Variants in LIPK observed in about 807,000 individuals in gnomAD.
LIPK encodes the protein lipase member K.
In LIPK, 32 loss-of-function variants were observed where a neutral mutation model predicts 48.6. The ratio of observed to expected loss-of-function variants is 0.66; its 90% CI spans 0.50 to 0.88. LIPK has a LOEUF of 0.88. Among genes scored for constraint, LIPK ranks in the 40% least tolerant of loss-of-function variants. LIPK has a pLI of 0.00. For synonymous variants in LIPK, 164 were observed against 157.4 expected (o/e 1.04, Z -0.32); for missense variants, 507 against 478.5 (o/e 1.06, Z -0.56).
chr10:88,749,664 A>C (rs533135008), intron 9 of LIPK, among the ~76,000 whole-genome samples: 2 of 152,324 alleles, frequency 1.3e-5, no homozygotes, highest in East Asian at 3.9e-4. Context: ...AAAACCCTAA[A>C]AGAAAACCTA....
intron 9 of LIPK, among the ~76,000 whole-genome samples, chr10:88,751,699 C>G (rs1034417224): frequency 6.6e-6 from 1 of 152,152 alleles, no homozygotes; most frequent in Non-Finnish European, 1.5e-5. Flanking sequence ...CACACACACA[C>G]TGTTTCAGAA....
chr10:88,715,250 T>C (rs1842094557), intron 1 of LIPK, among the ~76,000 whole-genome samples: 1 of 152,152 alleles, frequency 6.6e-6, no homozygotes, highest in South Asian at 2.1e-4. Flanking sequence ...CATACAGCTA[T>C]GAAACTGAAT....
Position 88,732,401 on chromosome 10 carries a change from T to C in LIPK, c.533-14T>C. The C allele has an allele frequency of 6.2e-7, 1 of 1,605,664 alleles. No individual in the cohort carries two copies. Among genetic ancestry groups the C allele is most frequent in the Non-Finnish European group, 8.5e-7 (1 of 1,177,638 alleles). ...TATCTGAAAACTATGAACTACTGTCTTCTTCCATTTCAGCTTTTATAGCAT... is the reference window on the plus strand; with the variant it reads ...TATCTGAAAACTATGAACTACTGTCCTCTTCCATTTCAGCTTTTATAGCAT... On this transcript the variant is annotated splice_polypyrimidine_tract_variant and intron_variant, in intron 5 of 9. Transcript: ENST00000404190.
intron 1 of LIPK, among the ~76,000 whole-genome samples, chr10:88,717,532 T>C (rs1842141924): frequency 6.6e-6 from 1 of 152,198 alleles, no homozygotes; most frequent in South Asian, 2.1e-4. Context: ...GCCCACACTA[T>C]AGGTCTTCTG....
intron 1 of LIPK, among the ~76,000 whole-genome samples, chr10:88,712,617 T>C (rs184081816): frequency 2.6e-4 from 40 of 152,294 alleles, no homozygotes; most frequent in South Asian, 1.4e-3. Flanking sequence ...CCAGGCTCCA[T>C]ACTCTGAATC....
intron 4 of LIPK, among the ~76,000 whole-genome samples, chr10:88,731,489 C>A (rs933777363): frequency 1.3e-5 from 2 of 152,216 alleles, no homozygotes; most frequent in Admixed American, 6.5e-5. Context: ...GTGCTGCCAG[C>A]AGCAGCGCCT....
intron 1 of LIPK, among the ~76,000 whole-genome samples, chr10:88,722,168 G>A (rs1188643421): frequency 6.6e-6 from 1 of 152,096 alleles, no homozygotes; most frequent in African/African-American, 2.4e-5. Context: ...GGCGGCACGC[G>A]CCTGTAATCC....
intron 7 of LIPK, among the ~76,000 whole-genome samples, 166 bp from the exon 8 acceptor site, chr10:88,739,830 G>C (rs927180761): frequency 1.3e-5 from 2 of 151,698 alleles, no homozygotes; most frequent in East Asian, 1.9e-4. Context: ...ACTCCAGCCT[G>C]GGTGACAGAG....
rs191390140 is a variant in LIPK at position 88,731,816 on chromosome 10, G to A, written c.423-362G>A. 5.1e-4 allele frequency among the ~76,000 whole-genome samples: 78 copies of A among 152,348 alleles called. No homozygotes were observed. In the Middle Eastern group the frequency reaches 0.014, roughly 27 times the overall value. On this transcript the variant is annotated intron_variant, in intron 4 of 9. Coordinates refer to ENST00000404190, the MANE Select transcript of LIPK (RefSeq NM_001080518.2). Reference sequence around the variant, plus strand: ...GGAAATTCTGATTCAGTCAGTCTGGGCTGAGGTCTGCAAATCTGTTTGCTT... The same window carrying A: ...GGAAATTCTGATTCAGTCAGTCTGGACTGAGGTCTGCAAATCTGTTTGCTT...
At chr10:88,721,093 T>C (rs1842215396) in intron 1 of LIPK, among the ~76,000 whole-genome samples, 1 of 146,060 alleles carries the variant, frequency 6.8e-6, no homozygotes, top group East Asian at 2.1e-4. Context: ...TTTATTAGTC[T>C]AATATCTTTA....
chr10:88,717,107 A>G (rs1842134095), intron 1 of LIPK, among the ~76,000 whole-genome samples: 1 of 152,174 alleles, frequency 6.6e-6, no homozygotes, highest in African/African-American at 2.4e-5. Context: ...GAGATCCCAC[A>G]TGTTTGATTC....
chr10:88,751,036 T>C (rs1244933423), intron 9 of LIPK, among the ~76,000 whole-genome samples: 1 of 152,236 alleles, frequency 6.6e-6, no homozygotes, highest in African/African-American at 2.4e-5. Context: ...ACTTTTTAAA[T>C]ACCATTATAT....
chr10:88,745,021 G>GA (rs972043131), intron 9 of LIPK, among the ~76,000 whole-genome samples: 32 of 152,152 alleles, frequency 2.1e-4, no homozygotes, highest in African/African-American at 5.1e-4. Context: ...CCAAGCTTAG[G>GA]AAAAAATCTC....
At chr10:88,722,637 G>GA (rs948308577) in intron 1 of LIPK, among the ~76,000 whole-genome samples, 4 of 152,054 alleles carry the variant, frequency 2.6e-5, no homozygotes, top group African/African-American at 9.7e-5. Flanking sequence ...GCCATACTTA[G>GA]AAAAACACTA....
At chr10:88,711,261 C>T (rs1451617183) in intron 1 of LIPK, among the ~76,000 whole-genome samples, 1 of 151,906 alleles carries the variant, frequency 6.6e-6, no homozygotes, top group African/African-American at 2.4e-5. Flanking sequence ...TTTATTATTG[C>T]ATATATTTTA....
In LIPK at chr10:88,710,547, T is replaced by C. The variant is rs1392412099; in HGVS notation, c.-12+4227T>C. ...CAAACACTATTGTGATTTCTATTCCTATGAATTAGTTTTATCTGTTTTTGA... is the reference window on the plus strand; with the variant it reads ...CAAACACTATTGTGATTTCTATTCCCATGAATTAGTTTTATCTGTTTTTGA... On this transcript the variant is annotated intron_variant, in intron 1 of 9. Coordinates refer to ENST00000404190, the MANE Select transcript of LIPK (RefSeq NM_001080518.2). Among the ~76,000 whole-genome samples the C allele has an allele frequency of 5.9e-5, 9 of 152,348 alleles. No individual in the cohort carries two copies. In the East Asian group the frequency reaches 1.5e-3, roughly 26 times the overall value.
intron 1 of LIPK, among the ~76,000 whole-genome samples, chr10:88,718,146 C>T (rs1389255543): frequency 1.3e-5 from 2 of 151,474 alleles, no homozygotes; most frequent in Non-Finnish European, 3.0e-5. Flanking sequence ...TTTTCCATAT[C>T]TTTCTTAGCT....
chr10:88,716,093 A>G (rs2134692142), intron 1 of LIPK, among the ~76,000 whole-genome samples: 1 of 152,198 alleles, frequency 6.6e-6, no homozygotes, highest in Admixed American at 6.5e-5. Context: ...ATCTTTTGGC[A>G]ACATACATAA....
chr10:88,723,900 A>G (rs895423835), intron 1 of LIPK, among the ~76,000 whole-genome samples: 1 of 152,068 alleles, frequency 6.6e-6, no homozygotes, highest in African/African-American at 2.4e-5. Context: ...ATAATATTTG[A>G]TGACTGAATA....
Sources: gnomAD v4.1 joint callset for allele counts (sites outside exome capture counted in the v4.1 genomes callset) on GRCh38, gnomAD v4.1.1 for gene constraint, MANE v1.5 for transcripts, NCBI Gene and HGNC (gene_info 2026-07-23, HGNC 2026-07-21) for gene names.